Variants in CDH2 observed in about 807,000 individuals in gnomAD.
The protein encoded by CDH2 is cadherin 2, also known as cadherin-2.
CDH2 carries 17 observed loss-of-function variants against 92.0 expected under a neutral mutation model. The ratio of observed to expected loss-of-function variants is 0.18; its 90% CI spans 0.13 to 0.28. The LOEUF is 0.28. Among genes scored for constraint, CDH2 ranks in the 10% least tolerant of loss-of-function variants. CDH2 has a pLI of 1.00. For missense variants in CDH2, 862 were observed against 1,133.1 expected, an observed-to-expected ratio of 0.76 and a Z score of 3.44; for synonymous variants, 419 against 415.9, an observed-to-expected ratio of 1.01 and a Z score of -0.09.
chr18:28,152,043 A>G (rs12960181), intron 1 of CDH2, among the ~76,000 whole-genome samples: 25,372 of 152,234 alleles, frequency 0.17, 2,655 homozygotes, highest in Non-Finnish European at 0.23. Context: ...TGAAAATGTA[A>G]AAAATATTCT....
At chr18:28,109,953 G>T (rs1599107848) in intron 2 of CDH2, among the ~76,000 whole-genome samples, 1 of 152,126 alleles carries the variant, frequency 6.6e-6, no homozygotes, top group African/African-American at 2.4e-5. Context: ...GACTGCCCAA[G>T]AATGTACATA....
At chr18:28,013,979 T>A in intron 2 of CDH2, 70 bp from the exon 3 acceptor site, 2 of 1,010,336 alleles carry the variant, frequency 2.0e-6, no homozygotes, top group Non-Finnish European at 3.0e-6. Context: ...CCCTAATACT[T>A]AAACCTATAT....
intron 1 of CDH2, 98 bp from the exon 2 acceptor site, chr18:28,147,882 A>G (rs1037482124): frequency 3.3e-5 from 22 of 674,198 alleles, no homozygotes; most frequent in Non-Finnish European, 5.1e-6. Context: ...TTTTTCAACT[A>G]TCTTGTACAA....
chr18:28,095,718 G>A (rs2015119980), intron 2 of CDH2, among the ~76,000 whole-genome samples: 2 of 145,952 alleles, frequency 1.4e-5, no homozygotes, highest in African/African-American at 2.6e-5. Flanking sequence ...GCTGAGGCAG[G>A]AGAATCACTT....
At chr18:28,141,907 A>C (rs139420644) in intron 2 of CDH2, among the ~76,000 whole-genome samples, 9 of 152,054 alleles carry the variant, frequency 5.9e-5, no homozygotes, top group African/African-American at 1.9e-4. Context: ...ACCATCACCA[A>C]CATCCTTGAA....
intron 2 of CDH2, among the ~76,000 whole-genome samples, chr18:28,088,946 T>C (rs2014987293): frequency 6.6e-6 from 1 of 152,134 alleles, no homozygotes; most frequent in South Asian, 2.1e-4. Context: ...AATATTAATA[T>C]CTAGATTATT....
chr18:28,064,190 A>T (rs1461321339), intron 2 of CDH2, among the ~76,000 whole-genome samples: 1 of 151,632 alleles, frequency 6.6e-6, no homozygotes, highest in Non-Finnish European at 1.5e-5. Context: ...TCTCAAAATG[A>T]CTCCCATCTC....
chr18:28,122,133 C>T (rs564368272), intron 2 of CDH2, among the ~76,000 whole-genome samples: 8 of 152,194 alleles, frequency 5.3e-5, no homozygotes, highest in African/African-American at 1.9e-4. Flanking sequence ...CAAAAAATGT[C>T]AAGCAAAACA....
intron 2 of CDH2, chr18:28,045,562 C>G (rs1367965557): frequency 2.6e-6 from 1 of 386,238 alleles, no homozygotes; most frequent in Admixed American, 3.0e-5. Flanking sequence ...TTCTGCCTTG[C>G]TCATGCTAGC....
At chr18:28,060,163 A>G (rs1271886034) in intron 2 of CDH2, among the ~76,000 whole-genome samples, 1 of 125,724 alleles carries the variant, frequency 8.0e-6, no homozygotes, top group Admixed American at 8.8e-5. Context: ...GCAAATTTCT[A>G]TAATTCCTCC....
intron 2 of CDH2, among the ~76,000 whole-genome samples, chr18:28,059,531 A>C (rs2014359472): frequency 6.6e-6 from 1 of 152,192 alleles, no homozygotes; most frequent in African/African-American, 2.4e-5. Flanking sequence ...ATAAGATTAT[A>C]ACCAATTAAA....
At chr18:27,986,459 G>T (rs1268422954) in intron 11 of CDH2, among the ~76,000 whole-genome samples, 1 of 152,084 alleles carries the variant, frequency 6.6e-6, no homozygotes, top group African/African-American at 2.4e-5. Flanking sequence ...ATATTGGTCG[G>T]CCTGACCTCA....
intron 1 of CDH2, among the ~76,000 whole-genome samples, chr18:28,167,559 A>C (rs536755547): frequency 8.5e-4 from 130 of 152,190 alleles, no homozygotes; most frequent in Admixed American, 2.0e-3. Context: ...ACAAAGTATA[A>C]ATGAGCAAAA....
chr18:27,988,431 CA>C (rs2012303313), intron 11 of CDH2, 92 bp downstream of exon 11: 3 of 1,075,402 alleles, frequency 2.8e-6, no homozygotes, highest in Admixed American at 2.3e-5. Context: ...GTTTTCCAGG[CA>C]ATTGAGTTTT....
intron 2 of CDH2, among the ~76,000 whole-genome samples, chr18:28,043,475 T>A (rs1271744446): frequency 1.3e-5 from 1 of 77,458 alleles, no homozygotes; most frequent in African/African-American, 4.9e-5. Context: ...TATATATATA[T>A]ATATATATAT....
At chr18:27,944,901 A>G (rs1363380209) in intron 6 of CDH2, among the ~76,000 whole-genome samples, 1 of 152,136 alleles carries the variant, frequency 6.6e-6, no homozygotes, top group Non-Finnish European at 1.5e-5. Flanking sequence ...TGGGTGCCAC[A>G]GCAAGACCCT....
chr18:28,133,032 C>T (rs1390797646), intron 2 of CDH2, among the ~76,000 whole-genome samples: 1 of 152,162 alleles, frequency 6.6e-6, no homozygotes, highest in Non-Finnish European at 1.5e-5. Context: ...TATATCTCTT[C>T]CTTATCCATT....
downstream of CDH2, among the ~76,000 whole-genome samples, chr18:27,947,685 A>T (rs796709635): frequency 1.3e-5 from 2 of 149,174 alleles, no homozygotes; most frequent in African/African-American, 2.5e-5. Context: ...TATATGTGAT[A>T]TAAGTGTATA....
chr18:28,022,770 C>CT (rs143181224), intron 2 of CDH2, among the ~76,000 whole-genome samples: 2 of 151,968 alleles, frequency 1.3e-5, no homozygotes, highest in South Asian at 2.1e-4. Context: ...AGTTTTAATA[C>CT]TTTTTTTAGG....
Sources: gnomAD v4.1 joint callset for allele counts (sites outside exome capture counted in the v4.1 genomes callset) on GRCh38, gnomAD v4.1.1 for gene constraint, MANE v1.5 for transcripts, NCBI Gene and HGNC (gene_info 2026-07-23, HGNC 2026-07-21) for gene names.